The following BANP variants were observed in gnomAD, a reference collection of about 807,000 sequenced individuals.
The protein encoded by BANP is protein BANP.
In BANP, 11 loss-of-function variants were observed where a neutral mutation model predicts 68.1. That is an observed-to-expected ratio of 0.16 (90% CI 0.10 to 0.27). The LOEUF (loss-of-function observed/expected upper bound fraction) is 0.27, where lower values mean the gene tolerates loss of function less well. BANP is among the 10% of genes least tolerant of loss of function. The pLI, the probability that BANP is intolerant of heterozygous loss-of-function variation, is 1.00. For synonymous variants in BANP, 329 were observed against 303.2 expected (o/e 1.09, Z -0.88); for missense variants, 504 against 722.7 (o/e 0.70, Z 3.47).
At chr16:88,055,339 T>C (rs1567891768) in intron 11 of BANP, among the ~76,000 whole-genome samples, 1 of 152,022 alleles carries the variant, frequency 6.6e-6, no homozygotes, top group African/African-American at 2.4e-5. Flanking sequence ...ATGACGCGTG[T>C]ACATTTAGTA....
rs767872434 is a variant in BANP at position 87,975,000 on chromosome 16, G to T, written c.-68-48G>T. On this transcript the variant is annotated intron_variant, in intron 1 of 13. Coordinates refer to ENST00000682872, the MANE Select transcript of BANP (RefSeq NM_001386991.1). ...GCTCGTGGTTTTCATAATTTCACGTGTAGCGATGGTTAATGTCCTCTCCTC... is the reference window on the plus strand; with the variant it reads ...GCTCGTGGTTTTCATAATTTCACGTTTAGCGATGGTTAATGTCCTCTCCTC... 73 of 842,888 alleles carry T rather than the reference G, an allele frequency of 8.7e-5. No homozygotes were observed. In the Middle Eastern group the frequency reaches 1.7e-3, roughly 19 times the overall value. The allele number at this position is 842,888 out of a possible 1,614,324, so 52.2% of individuals were successfully genotyped here.
chr16:87,968,689 C>G (rs887327946), intron 1 of BANP, among the ~76,000 whole-genome samples: 2 of 151,950 alleles, frequency 1.3e-5, no homozygotes, highest in Non-Finnish European at 1.5e-5. Flanking sequence ...TGACAGGGCC[C>G]CTCAGTCAGG....
rs1339740226 is a variant in BANP at position 88,004,509 on chromosome 16, G to A, written c.479+98G>A. The A allele has an allele frequency of 1.5e-5, 10 of 687,876 alleles. No homozygotes were observed. The highest frequency in any genetic ancestry group is 5.9e-5 in the East Asian group (2 of 34,066). 42.6% of individuals were successfully genotyped at this position (687,876 alleles called of 1,614,324 possible). ...TAAGCCAGGGCACAGTCCAGCACAC[G>A]CTTCATCTCTGTGGTCACAGGGTTG... On this transcript the variant is annotated intron_variant, in intron 5 of 13. Coordinates refer to ENST00000682872, the MANE Select transcript of BANP (RefSeq NM_001386991.1). This position sits in a 1 kb window ranked among gnomAD's most constrained non-coding sequence, Gnocchi z 7.0.
chr16:87,951,374 G>T, upstream of BANP: 1 of 151,004 alleles, frequency 6.6e-6, no homozygotes, highest in Non-Finnish European at 1.5e-5. Context: ...CGCGCGCCCA[G>T]TGAGCCTGCG....
In BANP at chr16:87,957,615, C is replaced by G. The variant is rs577226669; in HGVS notation, c.-69+6100C>G. ...GCCGTTGTGGCCTGTAGTGATTTTC[C>G]TTTTCCCTTGAGATGAAAAGTCATC... On this transcript the variant is annotated intron_variant, in intron 1 of 13. Transcript: ENST00000682872. The surrounding 1 kb of genome is among the most constrained non-coding windows in gnomAD (Gnocchi z 4.3). Among the ~76,000 whole-genome samples, 2 of 152,394 alleles carry G rather than the reference C, an allele frequency of 1.3e-5. No homozygotes were observed. The highest frequency in any genetic ancestry group is 3.9e-4 in the East Asian group (2 of 5,194).
rs2079262160 is a variant in BANP, at chr16:88,036,034, C to T, written c.1272+640C>T. ...GTCTGAGTTCTTGGAAAGCCGAGGC[C>T]AGCCTGTTGCGATGCTCCATGTTTG... On this transcript the variant is annotated intron_variant, in intron 10 of 13. Coordinates refer to ENST00000682872, the MANE Select transcript of BANP (RefSeq NM_001386991.1). The surrounding 1 kb of genome is among the most constrained non-coding windows in gnomAD (Gnocchi z 4.2). 6.6e-6 allele frequency among the ~76,000 whole-genome samples: 1 copy of T among 152,208 alleles called. No homozygotes were observed. Among genetic ancestry groups the T allele is most frequent in the Admixed American group, 6.5e-5 (1 of 15,282 alleles).
At chr16:88,027,355 G>A (rs1314169289) in intron 7 of BANP, 128 bp from the exon 8 acceptor site, 38 of 1,020,980 alleles carry the variant, frequency 3.7e-5, no homozygotes, top group Non-Finnish European at 2.3e-5. Context: ...GCAGGAAGAC[G>A]GGGCCGGCCT....
intron 12 of BANP, among the ~76,000 whole-genome samples, chr16:88,070,313 C>T (rs143784639): frequency 6.6e-6 from 1 of 152,292 alleles, no homozygotes; most frequent in Non-Finnish European, 1.5e-5. Context: ...GAATTAATCC[C>T]TGGGACCATG....
chr16:87,983,564 A>G (rs1441509674), intron 3 of BANP, among the ~76,000 whole-genome samples: 2 of 152,046 alleles, frequency 1.3e-5, no homozygotes, highest in Non-Finnish European at 2.9e-5. Context: ...TTGCCGCTCA[A>G]GAGCCCCACG....
At chr16:88,068,688 A>G (rs1238170489) in intron 12 of BANP, among the ~76,000 whole-genome samples, 3 of 152,032 alleles carry the variant, frequency 2.0e-5, no homozygotes, top group African/African-American at 7.2e-5. Flanking sequence ...CACCCAGGAC[A>G]GAGTGACTGC....
At chr16:88,005,205 C>T (rs1378443022) in intron 5 of BANP, among the ~76,000 whole-genome samples, 1 of 152,058 alleles carries the variant, frequency 6.6e-6, no homozygotes, top group Admixed American at 6.6e-5. Flanking sequence ...TGAGGAGGTG[C>T]CAGGGTCAGC....
At chr16:88,028,683 G>C (rs1359345056) in intron 8 of BANP, among the ~76,000 whole-genome samples, 1 of 152,208 alleles carries the variant, frequency 6.6e-6, no homozygotes, top group South Asian at 2.1e-4. Flanking sequence ...TGTGGGTTAA[G>C]GGCATTCACT....
chr16:88,042,694 GAT>G (rs1264478611), intron 11 of BANP, among the ~76,000 whole-genome samples: 1 of 152,172 alleles, frequency 6.6e-6, no homozygotes, highest in African/African-American at 2.4e-5. Context: ...GAGGTGGGAG[GAT>G]CGCTTGAGCC....
chr16:88,035,754 G>A (rs1190449349), intron 10 of BANP, among the ~76,000 whole-genome samples: 5 of 152,200 alleles, frequency 3.3e-5, no homozygotes, highest in African/African-American at 7.2e-5. Context: ...CTGCCCCTGC[G>A]TAGGTGACCT....
chr16:88,007,235 C>G (rs1404601423), intron 6 of BANP, among the ~76,000 whole-genome samples: 1 of 152,172 alleles, frequency 6.6e-6, no homozygotes. Context: ...CATTGGCCTG[C>G]TGTGTTTTCA....
intron 4 of BANP, among the ~76,000 whole-genome samples, chr16:87,996,443 G>C (rs112200270): frequency 6.7e-6 from 1 of 149,460 alleles, no homozygotes; most frequent in Admixed American, 6.7e-5. Context: ...GTGTTGCTGG[G>C]CCCTCGTCCG....
At chr16:87,960,858 A>G (rs534870919) in intron 1 of BANP, among the ~76,000 whole-genome samples, 1 of 152,364 alleles carries the variant, frequency 6.6e-6, no homozygotes, top group African/African-American at 2.4e-5. Context: ...CACCTCAAAG[A>G]AGTCAGCTAA....
rs538080673 is a variant in BANP at position 87,975,279 on chromosome 16, G to A, written c.70+94G>A. ...GTTATTTTCTTTCCTTTAAGCAGAAGAAAAAGTAATGCATGCTGCGTATGA... is the reference window on the plus strand; with the variant it reads ...GTTATTTTCTTTCCTTTAAGCAGAAAAAAAAGTAATGCATGCTGCGTATGA... On this transcript the variant is annotated intron_variant, in intron 2 of 13. Coordinates refer to ENST00000682872, the MANE Select transcript of BANP (RefSeq NM_001386991.1). 2.9e-5 allele frequency: 37 copies of A among 1,288,688 alleles called. No individual in the cohort carries two copies. The Admixed American group carries it at 3.0e-4, about 11-fold the overall frequency. 79.8% of individuals were successfully genotyped at this position (1,288,688 alleles called of 1,614,324 possible). A position where few individuals can be genotyped will look rare whatever the true frequency, so the allele number is the denominator to read the frequency against.
chr16:87,993,602 T>G (rs568211122), intron 4 of BANP, among the ~76,000 whole-genome samples: 1 of 129,210 alleles, frequency 7.7e-6, no homozygotes. Context: ...TTTTTTTTTT[T>G]CCCTTTTTTT....
Sources: allele counts gnomAD v4.1 joint callset (sites outside exome capture counted in the v4.1 genomes callset), GRCh38; gene constraint gnomAD v4.1.1; non-coding constraint Gnocchi (gnomAD v3.1); transcripts MANE v1.5; gene names NCBI Gene and HGNC (gene_info 2026-07-23, HGNC 2026-07-21).